CNTNAP2: variants seen among roughly 807,000 people sequenced by gnomAD.
CNTNAP2 encodes the protein contactin-associated protein-like 2.
In CNTNAP2, 98 loss-of-function variants were observed where a neutral mutation model predicts 155.2. That is an observed-to-expected ratio of 0.63 (90% CI 0.54 to 0.75). The LOEUF is 0.75. CNTNAP2 is among the 30% of genes least tolerant of loss of function. The pLI is 0.00. For synonymous variants in CNTNAP2, 651 were observed against 631.2 expected, an observed-to-expected ratio of 1.03 and a Z score of -0.47; for missense variants, 1,727 against 1,688.1, an observed-to-expected ratio of 1.02 and a Z score of -0.40.
At chr7:146,495,135 C>T (rs534106257) in intron 1 of CNTNAP2, among the ~76,000 whole-genome samples, 1 of 152,234 alleles carries the variant, frequency 6.6e-6, no homozygotes, top group African/African-American at 2.4e-5. Flanking sequence ...TGTGATAAGC[C>T]TGTGATGCCG....
chr7:147,696,149 T>A lies in CNTNAP2; in HGVS notation c.2098+56843T>A, dbSNP rs74936503. Reference sequence around the variant, plus strand: ...CAGTCTGACAATCTCTGTCTTTTAATTGGGGAATTTAGACCATTGACATTT... The same window carrying A: ...CAGTCTGACAATCTCTGTCTTTTAAATGGGGAATTTAGACCATTGACATTT... On this transcript the variant is annotated intron_variant, in intron 13 of 23. Coordinates refer to ENST00000361727, the MANE Select transcript of CNTNAP2 (RefSeq NM_014141.6). Among the ~76,000 whole-genome samples the A allele has an allele frequency of 6.6e-3, 1,011 of 152,318 alleles. 11 individuals carry two copies. The highest frequency in any genetic ancestry group is 0.023 in the African/African-American group (953 of 41,560).
chr7:147,268,966 C>A (rs191344860), intron 8 of CNTNAP2, among the ~76,000 whole-genome samples: 118 of 152,162 alleles, frequency 7.8e-4, no homozygotes, highest in Admixed American at 2.3e-3. Flanking sequence ...AATGAAAAAA[C>A]CCATAACAAA....
intron 15 of CNTNAP2, among the ~76,000 whole-genome samples, chr7:147,994,176 G>A (rs1447688981): frequency 6.6e-6 from 1 of 151,972 alleles, no homozygotes. Context: ...TTTGAGACCA[G>A]CCTGGGCAAC....
intron 1 of CNTNAP2, among the ~76,000 whole-genome samples, chr7:146,273,086 A>AGAGAGAGAG (rs1563016942): frequency 1.8e-4 from 25 of 138,066 alleles, no homozygotes; most frequent in African/African-American, 7.0e-4. Flanking sequence ...GAGAAAGAGA[A>AGAGAGAGAG]AGAGAGAGAG....
chr7:148,217,570 A>G, intron 19 of CNTNAP2, 46 bp downstream of exon 19: 2 of 1,576,286 alleles, frequency 1.3e-6, no homozygotes, highest in African/African-American at 1.3e-5. Flanking sequence ...ATTTGGGCAG[A>G]CAGAATGTTC....
rs7794829 is a variant in CNTNAP2 at position 147,228,052 on chromosome 7, G to A, written c.1349-72089G>A. Among the ~76,000 whole-genome samples the A allele has an allele frequency of 7.8e-3, 1,195 of 152,246 alleles. 21 individuals carry two copies. Among genetic ancestry groups the A allele is most frequent in the African/African-American group, 0.027 (1,123 of 41,556 alleles). The stretch of plus-strand genomic sequence containing the variant: ...GGTGTAAAGGCCTGCAAATAAAATC[G>A]TGTCAAGGAACAGTAGATGAACAAG... On this transcript the variant is annotated intron_variant, in intron 8 of 23. Coordinates refer to ENST00000361727, the MANE Select transcript of CNTNAP2 (RefSeq NM_014141.6).
chr7:147,340,112 G>A (rs1449816170), intron 9 of CNTNAP2, among the ~76,000 whole-genome samples: 2 of 152,090 alleles, frequency 1.3e-5, no homozygotes, highest in Non-Finnish European at 2.9e-5. Flanking sequence ...TTACATAAGA[G>A]ATAAAGATAC....
chr7:147,300,424 A>C, intron 9 of CNTNAP2, 134 bp downstream of exon 9: 1 of 971,400 alleles, frequency 1.0e-6, no homozygotes, highest in South Asian at 1.5e-5. Context: ...CTGTAATTCC[A>C]CTGAGCAAAA....
chr7:146,559,880 C>T (rs1208846608), intron 1 of CNTNAP2, among the ~76,000 whole-genome samples: 1 of 152,022 alleles, frequency 6.6e-6, no homozygotes, highest in East Asian at 1.9e-4. Flanking sequence ...ACATTAAATA[C>T]ATGGAAATTA....
At chr7:147,958,553 G>A (rs1188011456) in intron 14 of CNTNAP2, among the ~76,000 whole-genome samples, 2 of 152,072 alleles carry the variant, frequency 1.3e-5, no homozygotes, top group Non-Finnish European at 2.9e-5. Flanking sequence ...TGATTTTATG[G>A]TAGATATTTT....
chr7:146,911,843 C>T (rs910641162), intron 3 of CNTNAP2, among the ~76,000 whole-genome samples: 1 of 152,046 alleles, frequency 6.6e-6, no homozygotes, highest in African/African-American at 2.4e-5. Context: ...GGTTTACAAT[C>T]TTCAAGAACA....
chr7:147,997,970 C>T (rs1426873059), intron 15 of CNTNAP2, among the ~76,000 whole-genome samples: 4 of 152,164 alleles, frequency 2.6e-5, no homozygotes, highest in African/African-American at 9.7e-5. Flanking sequence ...CGCATACTCT[C>T]TACAGGGGGA....
chr7:148,182,291 A>G (rs1037607162), intron 18 of CNTNAP2, among the ~76,000 whole-genome samples: 2 of 145,410 alleles, frequency 1.4e-5, no homozygotes, highest in Non-Finnish European at 3.1e-5. Context: ...TTGTGAGCCA[A>G]AAAGGAACTG....
At chr7:146,537,146 A>G (rs1214765913) in intron 1 of CNTNAP2, among the ~76,000 whole-genome samples, 1 of 152,090 alleles carries the variant, frequency 6.6e-6, no homozygotes, top group Non-Finnish European at 1.5e-5. Context: ...TAGATAAGAA[A>G]TTTTGTTGGA....
chr7:147,138,968 G>A (rs1283317758), intron 8 of CNTNAP2, among the ~76,000 whole-genome samples: 4 of 151,056 alleles, frequency 2.6e-5, no homozygotes, highest in Admixed American at 1.3e-4. Flanking sequence ...CAAATAAATC[G>A]AAGAGAAAAA....
At chr7:148,362,250 C>A (rs1297662612) in intron 21 of CNTNAP2, among the ~76,000 whole-genome samples, 4 of 151,908 alleles carry the variant, frequency 2.6e-5, no homozygotes, top group African/African-American at 4.8e-5. Flanking sequence ...AACTCACTAT[C>A]ACGAGAACAG....
intron 15 of CNTNAP2, among the ~76,000 whole-genome samples, chr7:148,006,853 A>G (rs1801991968): frequency 6.6e-6 from 1 of 152,208 alleles, no homozygotes; most frequent in Non-Finnish European, 1.5e-5. Context: ...TTCAAGTGAG[A>G]TATTCACAGT....
rs191691664 is a variant in CNTNAP2 at position 146,351,991 on chromosome 7, C to G, written c.97+235018C>G. ...TGGTCTGTGTTAGGAAGTGTCAAAA[C>G]ATAGACATTACATACAGAGGAAAGA... On this transcript the variant is annotated intron_variant, in intron 1 of 23. Transcript: ENST00000361727. Among the ~76,000 whole-genome samples, 473 of 152,258 alleles carry G rather than the reference C, an allele frequency of 3.1e-3. 4 individuals carry two copies. The highest frequency in any genetic ancestry group is 4.3e-3 in the Non-Finnish European group (294 of 68,016).
chr7:147,331,799 G>A (rs1295669194), intron 9 of CNTNAP2, among the ~76,000 whole-genome samples: 1 of 152,134 alleles, frequency 6.6e-6, no homozygotes, highest in Admixed American at 6.5e-5. Context: ...TTCACTTCTT[G>A]CCCCTTGTTC....
Sources: gnomAD v4.1 joint callset for allele counts (sites outside exome capture counted in the v4.1 genomes callset) on GRCh38, gnomAD v4.1.1 for gene constraint, MANE v1.5 for transcripts, NCBI Gene and HGNC (gene_info 2026-07-23, HGNC 2026-07-21) for gene names.